The following DCAF5 variants were observed in gnomAD, a reference collection of about 807,000 sequenced individuals.
DCAF5 encodes the protein DDB1 and CUL4 associated factor 5, also known as DDB1- and CUL4-associated factor 5.
Under a neutral mutation model 80.7 loss-of-function variants are expected in DCAF5, and 9 were observed. The ratio of observed to expected loss-of-function variants is 0.11; its 90% CI spans 0.07 to 0.19. The LOEUF (loss-of-function observed/expected upper bound fraction) is 0.19. Ranked by LOEUF, DCAF5 falls within the 10% of genes least tolerant of loss-of-function variation. The pLI is 1.00. For synonymous variants in DCAF5, 433 were observed against 461.9 expected (o/e 0.94, Z 0.80); for missense variants, 842 against 1,205.7 (o/e 0.70, Z 4.47).
At chr14:69,071,718 G>A (rs757059730) in intron 7 of DCAF5, among the ~76,000 whole-genome samples, 3 of 152,138 alleles carry the variant, frequency 2.0e-5, no homozygotes, top group Non-Finnish European at 2.9e-5. Context: ...AGAGTTTCCT[G>A]ACAAAATTTT....
At chr14:69,139,360 T>C (rs2041289365) in intron 1 of DCAF5, among the ~76,000 whole-genome samples, 1 of 151,810 alleles carries the variant, frequency 6.6e-6, no homozygotes. Flanking sequence ...GATGCACACA[T>C]AGGTGTACAT....
chr14:69,125,924 A>C (rs1423343526), intron 1 of DCAF5, among the ~76,000 whole-genome samples: 1 of 152,176 alleles, frequency 6.6e-6, no homozygotes, highest in African/African-American at 2.4e-5. Context: ...TTTTAAGTGT[A>C]TCTGTAGTGT....
At position 69,148,062 on chromosome 14, in the gene DCAF5, G is replaced by A. The variant is rs1353057079; in HGVS notation, c.214+4703C>T. On this transcript the variant is annotated intron_variant, in intron 1 of 8. Transcript: ENST00000341516. ...TGCACATAGAGATACATTCTGATTG[G>A]TCATCCAATCAGAGCCCTAAAAGAT... 6.3e-5 allele frequency among the ~76,000 whole-genome samples: 9 copies of A among 142,324 alleles called. No homozygotes were observed. The Admixed American group carries it at 6.5e-4, about 10-fold the overall frequency. 93.4% of individuals were successfully genotyped at this position (142,324 alleles called of 152,430 possible).
intron 7 of DCAF5, among the ~76,000 whole-genome samples, chr14:69,069,891 G>T (rs989405815): frequency 1.3e-5 from 2 of 152,170 alleles, no homozygotes; most frequent in African/African-American, 4.8e-5. Flanking sequence ...AAAGTGCTGG[G>T]ATTACAGGCA....
At position 69,054,921 on chromosome 14, in the gene DCAF5, G is replaced by A. The variant is rs1486198582; in HGVS notation, c.1765C>T (p.Arg589Cys). 1 of 1,614,252 alleles carries A rather than the reference G, an allele frequency of 6.2e-7. No individual in the cohort carries two copies. The highest frequency in any genetic ancestry group is 1.7e-5 in the Admixed American group (1 of 60,034). The change falls in exon 9 of 9, where the codon CGC (arginine) becomes TGC (cysteine). Residue 589 changes from arginine to cysteine, a missense_variant. This residue lies in a region of DCAF5 where 607 missense variants were observed against 656.6 expected (regional missense o/e 0.92). Coordinates refer to ENST00000341516, the MANE Select transcript of DCAF5 (RefSeq NM_003861.3). ...ASTWQRNAMRRRQKTTREDKP... is the reference protein window; with the variant it reads ...ASTWQRNAMRCRQKTTREDKP... ...TCTTCTCGGGTTGTCTTCTGTCGGC[G>A]CCGCATGGCATTCCGCTGCCAGGTA... is the stretch of plus-strand genomic sequence containing the variant.
At position 69,151,673 on chromosome 14, in the gene DCAF5, T is replaced by G. The variant is rs559469169; in HGVS notation, c.214+1092A>C. Reference sequence around the variant, plus strand: ...GGCCCATTCCCACCCGCCCCTGCCCTGGGCCCGCGACCCCAGGGAGGAGGG... The same window carrying G: ...GGCCCATTCCCACCCGCCCCTGCCCGGGGCCCGCGACCCCAGGGAGGAGGG... On this transcript the variant is annotated intron_variant, in intron 1 of 8. Transcript: ENST00000341516. Among the ~76,000 whole-genome samples the G allele has an allele frequency of 2.2e-3, 336 of 149,694 alleles. 2 individuals are homozygous for G. The highest frequency in any genetic ancestry group is 8.0e-3 in the African/African-American group (326 of 40,950).
At chr14:69,098,727 C>A (rs867902217) in intron 5 of DCAF5, among the ~76,000 whole-genome samples, 750 of 92,202 alleles carry the variant, frequency 8.1e-3, no homozygotes, top group Non-Finnish European at 8.6e-3. Context: ...ACTAAAAATA[C>A]AAAAAAAAAA....
chr14:69,153,145 T>G, upstream of DCAF5: 1 of 473,736 alleles, frequency 2.1e-6, no homozygotes. Context: ...CGTTCGCGGC[T>G]TCCTGACGGT....
chr14:69,088,872 G>A (rs1288889891), intron 6 of DCAF5, among the ~76,000 whole-genome samples: 1 of 152,172 alleles, frequency 6.6e-6, no homozygotes, highest in East Asian at 1.9e-4. Flanking sequence ...ATACATGTCA[G>A]TCCTGCAGGT....
intron 5 of DCAF5, among the ~76,000 whole-genome samples, chr14:69,098,652 G>A (rs2039821488): frequency 6.8e-6 from 1 of 147,580 alleles, no homozygotes; most frequent in Non-Finnish European, 1.5e-5. Context: ...GGGAGGCCGA[G>A]ACAGGCGGAT....
chr14:69,078,369 A>G (rs558047010), intron 6 of DCAF5, among the ~76,000 whole-genome samples: 1 of 152,362 alleles, frequency 6.6e-6, no homozygotes, highest in Admixed American at 6.5e-5. Flanking sequence ...GTTACTATGA[A>G]AAACAAAACA....
Position 69,054,221 on chromosome 14 carries a change from T to G in DCAF5, c.2465A>C (p.Glu822Ala). Reference protein sequence around the residue: ...CPRTQSDDSEERSLETICANH... With the variant: ...CPRTQSDDSEARSLETICANH... The stretch of plus-strand genomic sequence containing the variant: ...GGCACAGATGGTTTCGAGGCTCCTC[T>G]CCTCACTGTCATCAGACTGGGTCCT... The change falls in exon 9 of 9, where the codon GAG (glutamate) becomes GCG (alanine). Residue 822 changes from glutamate (E) to alanine (A), a missense_variant. By Grantham distance (107) the Glu-to-Ala change is moderately radical (BLOSUM62 -1). This residue lies in a region of DCAF5 where 607 missense variants were observed against 656.6 expected (regional missense o/e 0.92). Coordinates refer to ENST00000341516, the MANE Select transcript of DCAF5 (RefSeq NM_003861.3). 6.2e-7 allele frequency: 1 copy of G among 1,614,226 alleles called. No individual in the cohort carries two copies. Among genetic ancestry groups the G allele is most frequent in the African/African-American group, 1.3e-5 (1 of 75,064 alleles).
chr14:69,107,858 T>C (rs964496822), intron 5 of DCAF5, among the ~76,000 whole-genome samples: 3 of 152,266 alleles, frequency 2.0e-5, no homozygotes, highest in Non-Finnish European at 4.4e-5. Context: ...ATTCATTCAA[T>C]ATTTACTAAG....
chr14:69,122,482 C>T, intron 1 of DCAF5, 122 bp from the exon 2 acceptor site: 6 of 1,029,742 alleles, frequency 5.8e-6, no homozygotes, highest in Non-Finnish European at 8.3e-6. Flanking sequence ...ATAAGATTCG[C>T]ATGGAGCACA....
At chr14:69,127,774 T>C (rs1430742301) in intron 1 of DCAF5, among the ~76,000 whole-genome samples, 1 of 152,190 alleles carries the variant, frequency 6.6e-6, no homozygotes, top group Admixed American at 6.5e-5. Flanking sequence ...CCTCTGTACC[T>C]TTCTCTTAAT....
At chr14:69,081,232 C>T (rs902994634) in intron 6 of DCAF5, among the ~76,000 whole-genome samples, 1 of 152,040 alleles carries the variant, frequency 6.6e-6, no homozygotes, top group Non-Finnish European at 1.5e-5. Flanking sequence ...TCCCCATTTC[C>T]CAAAACACCC....
At chr14:69,105,721 G>A (rs1595006813) in intron 5 of DCAF5, among the ~76,000 whole-genome samples, 1 of 151,214 alleles carries the variant, frequency 6.6e-6, no homozygotes, top group African/African-American at 2.4e-5. Flanking sequence ...TGGACTCTGG[G>A]ACTTGCACCA....
Position 69,054,489 on chromosome 14 carries a change from A to T in DCAF5, c.2197T>A (p.Phe733Ile). ...LPPEGCSKDT[F>I]KEETPRTPSN... ...GGAGTTCTAGGAGTCTCTTCTTTAA[A>T]AGTGTCCTTGCTGCAGCCTTCAGGT... is the stretch of plus-strand genomic sequence containing the variant. The change falls in exon 9 of 9, where the codon TTT (phenylalanine) becomes ATT (isoleucine). Residue 733 changes from phenylalanine (F) to isoleucine (I), a missense_variant. Physicochemically the swap from Phe to Ile is conservative, Grantham distance 21. Coordinates refer to ENST00000341516, the MANE Select transcript of DCAF5 (RefSeq NM_003861.3). The T allele has an allele frequency of 6.2e-7, 1 of 1,614,122 alleles. No individual in the cohort carries two copies. Among genetic ancestry groups the T allele is most frequent in the Non-Finnish European group, 8.5e-7 (1 of 1,180,026 alleles).
At chr14:69,101,697 C>T (rs1403714510) in intron 5 of DCAF5, among the ~76,000 whole-genome samples, 1 of 152,158 alleles carries the variant, frequency 6.6e-6, no homozygotes, top group Admixed American at 6.5e-5. Context: ...AGTATTCACA[C>T]AAACCTAGAA....
Sources: gnomAD v4.1 joint callset for allele counts (sites outside exome capture counted in the v4.1 genomes callset) on GRCh38, gnomAD v4.1.1 for gene constraint, gnomAD v4.1.1 regional missense constraint, MANE v1.5 for transcripts, NCBI Gene and HGNC (gene_info 2026-07-23, HGNC 2026-07-21) for gene names.